MCC: variants seen among roughly 807,000 people sequenced by gnomAD.
MCC encodes colorectal mutant cancer protein.
Under a neutral mutation model 116.2 loss-of-function variants are expected in MCC, and 90 were observed. The ratio of observed to expected loss-of-function variants is 0.77; its 90% CI spans 0.65 to 0.92. The LOEUF (loss-of-function observed/expected upper bound fraction) is 0.92, where lower values mean the gene tolerates loss of function less well. Ranked by LOEUF, MCC falls within the 40% of genes least tolerant of loss-of-function variation. The pLI is 0.00. For missense variants in MCC, 1,516 were observed against 1,312.2 expected, an observed-to-expected ratio of 1.16 and a Z score of -2.40; for synonymous variants, 578 against 510.5, an observed-to-expected ratio of 1.13 and a Z score of -1.78.
chr5:113,479,781 T>C (rs1772327693), intron 1 of MCC, among the ~76,000 whole-genome samples: 1 of 152,232 alleles, frequency 6.6e-6, no homozygotes, highest in Admixed American at 6.5e-5. Flanking sequence ...GTTCAGATTA[T>C]ATATTTCTTA....
At chr5:113,040,016 A>T (rs7728495) in intron 17 of MCC, among the ~76,000 whole-genome samples, 147,928 of 151,254 alleles carry the variant, frequency 0.98, 72,348 homozygotes, top group East Asian at 1. Flanking sequence ...TGGACAAGAG[A>T]GAAAACAAAA....
chr5:113,082,714 G>C (rs775043706), intron 11 of MCC, 146 bp downstream of exon 11: 2 of 918,452 alleles, frequency 2.2e-6, no homozygotes, highest in Non-Finnish European at 3.3e-6. Flanking sequence ...GATGACCAAG[G>C]TGGTAGGAAC....
chr5:113,173,884 C>T (rs1006051883), intron 3 of MCC, among the ~76,000 whole-genome samples: 1 of 152,158 alleles, frequency 6.6e-6, no homozygotes, highest in Non-Finnish European at 1.5e-5. Context: ...CAGCAAAGGT[C>T]TAAGTGCAGG....
At position 113,024,782 on chromosome 5, in the gene MCC, C is replaced by T. The variant is rs1250716030; in HGVS notation, c.*2520G>A. 1.3e-5 allele frequency: 2 copies of T among 152,080 alleles called. No homozygotes were observed. The highest frequency in any genetic ancestry group is 4.8e-5 in the African/African-American group (2 of 41,408). 9.4% of individuals were successfully genotyped at this position (152,080 alleles called of 1,614,324 possible). On this transcript the variant is annotated 3_prime_UTR_variant, in exon 19 of 19. Coordinates refer to ENST00000408903, the MANE Select transcript of MCC (RefSeq NM_001085377.2). ...TTAGTTCAGTAGCTCCCACAATTAG[C>T]ATAATCAAGTGCCACCTAGTTCACC... is the stretch of plus-strand genomic sequence containing the variant.
intron 5 of MCC, among the ~76,000 whole-genome samples, chr5:113,135,124 G>C (rs921335096): frequency 6.6e-6 from 1 of 151,154 alleles, no homozygotes; most frequent in African/African-American, 2.4e-5. Context: ...ATTTTTAGTG[G>C]AGACGGGGTT....
chr5:113,078,617 G>A (rs1359639816), intron 11 of MCC, among the ~76,000 whole-genome samples: 2 of 152,170 alleles, frequency 1.3e-5, no homozygotes, highest in African/African-American at 2.4e-5. Context: ...AGCTCTTCAT[G>A]CTAAAAACTC....
At chr5:113,085,737 G>C (rs562052291) in intron 8 of MCC, among the ~76,000 whole-genome samples, 3 of 152,142 alleles carry the variant, frequency 2.0e-5, no homozygotes, top group African/African-American at 7.2e-5. Context: ...TGCTGCCCAG[G>C]CTGGAATGCA....
chr5:113,155,810 C>T (rs987487520), intron 3 of MCC, among the ~76,000 whole-genome samples: 3 of 152,186 alleles, frequency 2.0e-5, no homozygotes, highest in Non-Finnish European at 4.4e-5. Context: ...TCTCTTCATA[C>T]TCAGGAGTCA....
rs986359069 is a variant in MCC, at chr5:113,062,316, T to A, written c.2213+1668A>T. Among the ~76,000 whole-genome samples the A allele has an allele frequency of 7.2e-5, 11 of 152,376 alleles. No homozygotes were observed. In the Middle Eastern group the frequency reaches 0.01, roughly 141 times the overall value. On this transcript the variant is annotated intron_variant, in intron 14 of 18. Transcript: ENST00000408903. ...CAGTCTCAAAATCAAGGCTAACCTGTAAGTTCAAGTACTTCTAACAAATAT... is the reference window on the plus strand; with the variant it reads ...CAGTCTCAAAATCAAGGCTAACCTGAAAGTTCAAGTACTTCTAACAAATAT...
rs1229876952 is a variant in MCC at position 113,026,746 on chromosome 5, T to C, written c.*556A>G. Reference sequence around the variant, plus strand: ...TCCCATGACCTATAACTCCCAGAGATCACCTCTTATGGCCGCCTCTATCTT... The same window carrying C: ...TCCCATGACCTATAACTCCCAGAGACCACCTCTTATGGCCGCCTCTATCTT... On this transcript the variant is annotated 3_prime_UTR_variant, in exon 19 of 19. Coordinates refer to ENST00000408903, the MANE Select transcript of MCC (RefSeq NM_001085377.2). 1 of 153,504 alleles carries C rather than the reference T, an allele frequency of 6.5e-6. No homozygotes were observed. The highest frequency in any genetic ancestry group is 1.4e-5 in the Non-Finnish European group (1 of 69,100). 9.5% of individuals were successfully genotyped at this position (153,504 alleles called of 1,614,324 possible).
intron 1 of MCC, among the ~76,000 whole-genome samples, chr5:113,445,430 T>C (rs1240951405): frequency 6.6e-6 from 1 of 152,026 alleles, no homozygotes; most frequent in African/African-American, 2.4e-5. Context: ...AATAAAAAAA[T>C]CAGTAGCATT....
At chr5:113,441,643 C>A (rs186017831) in intron 1 of MCC, among the ~76,000 whole-genome samples, 1 of 152,232 alleles carries the variant, frequency 6.6e-6, no homozygotes, top group Non-Finnish European at 1.5e-5. Context: ...CTAATACTAT[C>A]CCCTCCTCTA....
At chr5:113,198,677 G>A (rs2150317478) in intron 3 of MCC, among the ~76,000 whole-genome samples, 1 of 147,632 alleles carries the variant, frequency 6.8e-6, no homozygotes, top group South Asian at 2.2e-4. Flanking sequence ...CTGCACTCCA[G>A]CCTGGGTGAC....
intron 3 of MCC, among the ~76,000 whole-genome samples, chr5:113,182,747 A>C (rs1761694412): frequency 6.6e-6 from 1 of 152,176 alleles, no homozygotes; most frequent in South Asian, 2.1e-4. Flanking sequence ...GAACTTCTAT[A>C]TTTATCTACT....
At chr5:113,392,320 A>C (rs1339524800) in intron 1 of MCC, among the ~76,000 whole-genome samples, 1 of 152,190 alleles carries the variant, frequency 6.6e-6, no homozygotes, top group Non-Finnish European at 1.5e-5. Flanking sequence ...GCCAATGAAG[A>C]TATAAAAAGA....
intron 4 of MCC, among the ~76,000 whole-genome samples, chr5:113,147,471 A>C (rs563355446): frequency 6.6e-6 from 1 of 152,314 alleles, no homozygotes; most frequent in African/African-American, 2.4e-5. Flanking sequence ...GTCAGCTGTC[A>C]AACCTAAGAG....
intron 3 of MCC, among the ~76,000 whole-genome samples, chr5:113,261,844 C>T (rs1765231154): frequency 1.3e-5 from 2 of 152,136 alleles, no homozygotes; most frequent in African/African-American, 4.8e-5. Flanking sequence ...AAATTCAAGA[C>T]ATTTTTGCTA....
chr5:113,088,237 TC>T (rs1308464456), intron 8 of MCC, among the ~76,000 whole-genome samples: 2 of 152,028 alleles, frequency 1.3e-5, no homozygotes, highest in African/African-American at 4.8e-5. Flanking sequence ...AGTGGCCTTC[TC>T]CCCCTTCTTT....
In MCC at chr5:113,467,152, G is replaced by A. The variant is rs985648227; in HGVS notation, c.170+21093C>T. ...TGTAGGTTGCCTGTTCACTCTGATG[G>A]TAGTTTCTTTTGCTGTGCAGAAGCT... On this transcript the variant is annotated intron_variant, in intron 1 of 18. Transcript: ENST00000408903. 3.8e-4 allele frequency among the ~76,000 whole-genome samples: 57 copies of A among 151,696 alleles called. 1 individual carries two copies. In the South Asian group the frequency reaches 9.2e-3, roughly 24 times the overall value.
Sources: gnomAD v4.1 joint callset for allele counts (sites outside exome capture counted in the v4.1 genomes callset) on GRCh38, gnomAD v4.1.1 for gene constraint, MANE v1.5 for transcripts, NCBI Gene and HGNC (gene_info 2026-07-23, HGNC 2026-07-21) for gene names.